Variants in MGAT5 observed in about 807,000 individuals in gnomAD.
MGAT5 encodes the protein alpha-1,6-mannosylglycoprotein 6-beta-N-acetylglucosaminyltransferase A.
In MGAT5, 30 loss-of-function variants were observed where a neutral mutation model predicts 94.3. That is an observed-to-expected ratio of 0.32 (90% CI 0.24 to 0.43). The LOEUF (loss-of-function observed/expected upper bound fraction) is 0.43, where lower values mean the gene tolerates loss of function less well. MGAT5 is among the 20% of genes least tolerant of loss of function. The pLI, the probability that MGAT5 is intolerant of heterozygous loss-of-function variation, is 1.00. For synonymous variants in MGAT5, 310 were observed against 322.9 expected (o/e 0.96, Z 0.43); for missense variants, 691 against 905.5 (o/e 0.76, Z 3.04).
At chr2:134,316,152 G>GT (rs1381393284) in intron 2 of MGAT5, among the ~76,000 whole-genome samples, 1 of 152,094 alleles carries the variant, frequency 6.6e-6, no homozygotes, top group African/African-American at 2.4e-5. Context: ...GGGTTGTCTT[G>GT]TTTTCCGACT....
At chr2:134,205,512 A>G (rs1679984498) in intron 1 of MGAT5, among the ~76,000 whole-genome samples, 2 of 152,156 alleles carry the variant, frequency 1.3e-5, no homozygotes, top group Non-Finnish European at 2.9e-5. Context: ...GAGCAGCCGG[A>G]GTGGGAGATG....
chr2:134,361,081 G>A (rs1445975596), intron 9 of MGAT5, among the ~76,000 whole-genome samples: 1 of 152,256 alleles, frequency 6.6e-6, no homozygotes, highest in Non-Finnish European at 1.5e-5. Flanking sequence ...GGCCTGTGCT[G>A]CAGGCTGGCC....
intron 2 of MGAT5, among the ~76,000 whole-genome samples, chr2:134,294,294 T>A (rs538329306): frequency 6.6e-6 from 1 of 152,328 alleles, no homozygotes; most frequent in African/African-American, 2.4e-5. Context: ...TTTCAGTGTT[T>A]TTATTTTTAT....
intron 10 of MGAT5, among the ~76,000 whole-genome samples, chr2:134,391,170 G>A (rs1212023919): frequency 6.6e-6 from 1 of 152,134 alleles, no homozygotes; most frequent in African/African-American, 2.4e-5. Flanking sequence ...TCCATTGGCT[G>A]GGGATGGGGA....
rs115263488 is a variant in MGAT5 at position 134,246,398 on chromosome 2, G to A, written c.-142-7864G>A. 2.7e-3 allele frequency among the ~76,000 whole-genome samples: 411 copies of A among 152,268 alleles called. 1 individual carries two copies. The highest frequency in any genetic ancestry group is 9.2e-3 in the African/African-American group (382 of 41,532). Reference sequence around the variant, plus strand: ...CCATCTGGGGGAGTGAATGACCTCAGAGCTTCTTCCCAGGAATTTGGATTT... The same window carrying A: ...CCATCTGGGGGAGTGAATGACCTCAAAGCTTCTTCCCAGGAATTTGGATTT... On this transcript the variant is annotated intron_variant, in intron 1 of 16. Transcript: ENST00000409645.
At chr2:134,227,745 G>C (rs948541682) in intron 1 of MGAT5, among the ~76,000 whole-genome samples, 49 of 152,174 alleles carry the variant, frequency 3.2e-4, no homozygotes, top group African/African-American at 1.2e-3. Context: ...ATCTTGTATG[G>C]ACTCAAAAGA....
intron 1 of MGAT5, among the ~76,000 whole-genome samples, chr2:134,128,260 GAAAA>G (rs978046738): frequency 6.6e-5 from 10 of 151,666 alleles, no homozygotes; most frequent in African/African-American, 2.2e-4. Flanking sequence ...AAAAGAAAAA[GAAAA>G]GAAAGAGAGA....
At position 134,368,660 on chromosome 2, in the gene MGAT5, G is replaced by A. The variant is rs117979919; in HGVS notation, c.1380+6252G>A. On this transcript the variant is annotated intron_variant, in intron 10 of 15. Coordinates refer to ENST00000281923, the MANE Select transcript of MGAT5 (RefSeq NM_002410.5). ...TCTTTTCTAAAATGCAAACTGAATC[G>A]TGCTACTCCTTTGCTCAGACTCTCC... Among the ~76,000 whole-genome samples, 13 of 152,250 alleles carry A rather than the reference G, an allele frequency of 8.5e-5. No individual in the cohort carries two copies. The East Asian group carries it at 2.1e-3, about 25-fold the overall frequency.
chr2:134,175,239 A>G (rs1268181103), intron 1 of MGAT5, among the ~76,000 whole-genome samples: 1 of 152,238 alleles, frequency 6.6e-6, no homozygotes, highest in African/African-American at 2.4e-5. Flanking sequence ...AAATATTTCA[A>G]ATATCCACAC....
At chr2:134,287,866 A>G (rs1558762291) in intron 2 of MGAT5, among the ~76,000 whole-genome samples, 1 of 152,252 alleles carries the variant, frequency 6.6e-6, no homozygotes, top group Non-Finnish European at 1.5e-5. Context: ...TCAATAATGT[A>G]TGAATATTCC....
intron 10 of MGAT5, among the ~76,000 whole-genome samples, chr2:134,396,154 A>C (rs1463532845): frequency 6.6e-6 from 1 of 152,172 alleles, no homozygotes; most frequent in South Asian, 2.1e-4. Flanking sequence ...CTTAGCTTCC[A>C]AGGGTTTTTC....
chr2:134,311,475 G>C (rs1686655079), intron 2 of MGAT5, among the ~76,000 whole-genome samples: 1 of 152,082 alleles, frequency 6.6e-6, no homozygotes, highest in South Asian at 2.1e-4. Flanking sequence ...TTCCTAATAT[G>C]GTCAGCCATT....
intron 1 of MGAT5, among the ~76,000 whole-genome samples, chr2:134,187,960 T>C (rs1207465308): frequency 6.6e-6 from 1 of 152,216 alleles, no homozygotes; most frequent in Non-Finnish European, 1.5e-5. Context: ...CCGCCTGTGG[T>C]GAAAGAGACG....
At chr2:134,443,282 T>A (rs1685589096) in intron 15 of MGAT5, among the ~76,000 whole-genome samples, 1 of 152,116 alleles carries the variant, frequency 6.6e-6, no homozygotes, top group South Asian at 2.1e-4. Flanking sequence ...CTCCACCTCC[T>A]GGGTTCAAGC....
chr2:134,403,686 C>T (rs1352372203), intron 11 of MGAT5, among the ~76,000 whole-genome samples: 2 of 152,166 alleles, frequency 1.3e-5, no homozygotes, highest in Non-Finnish European at 2.9e-5. Flanking sequence ...ACACACCTGG[C>T]ATGTGGGCCA....
intron 1 of MGAT5, among the ~76,000 whole-genome samples, chr2:134,182,115 G>A (rs1223337883): frequency 6.6e-6 from 1 of 151,964 alleles, no homozygotes; most frequent in Non-Finnish European, 1.5e-5. Context: ...ATAATATTGA[G>A]GCTCAGAAAT....
At chr2:134,122,109 C>CTT (rs36006435) in intron 1 of MGAT5, among the ~76,000 whole-genome samples, 10 of 148,840 alleles carry the variant, frequency 6.7e-5, no homozygotes, top group East Asian at 3.9e-4. Context: ...GCTCTCCTGT[C>CTT]TTTTTTTTTT....
intron 1 of MGAT5, among the ~76,000 whole-genome samples, chr2:134,229,796 T>C (rs1681260251): frequency 6.6e-6 from 1 of 152,204 alleles, no homozygotes; most frequent in South Asian, 2.1e-4. Flanking sequence ...ATTTAGAATA[T>C]GTAAATAACT....
chr2:134,355,007 G>A (rs931743815), intron 9 of MGAT5, among the ~76,000 whole-genome samples: 1 of 152,146 alleles, frequency 6.6e-6, no homozygotes, highest in Non-Finnish European at 1.5e-5. Flanking sequence ...AAACTCCACA[G>A]CAAAGTATTC....
Sources: gnomAD v4.1 joint callset for allele counts (sites outside exome capture counted in the v4.1 genomes callset) on GRCh38, gnomAD v4.1.1 for gene constraint, MANE v1.5 for transcripts, NCBI Gene and HGNC (gene_info 2026-07-23, HGNC 2026-07-21) for gene names.